CACNA2D3: variants seen among roughly 807,000 people sequenced by gnomAD.
The protein encoded by CACNA2D3 is voltage-dependent calcium channel subunit alpha-2/delta-3.
In CACNA2D3, 60 loss-of-function variants were observed where a neutral mutation model predicts 160.6. The ratio of observed to expected loss-of-function variants is 0.37; its 90% confidence interval spans 0.30 to 0.46. The LOEUF (loss-of-function observed/expected upper bound fraction) is 0.46. Ranked by LOEUF, CACNA2D3 falls within the 20% of genes least tolerant of loss-of-function variation. The probability of loss-of-function intolerance (pLI) is 1.00; values close to 1 mark genes in which losing one functional copy is unlikely to be tolerated. For synonymous variants in CACNA2D3, 558 were observed against 492.9 expected, an observed-to-expected ratio of 1.13 and a Z score of -1.75; for missense variants, 1,205 against 1,365.0, an observed-to-expected ratio of 0.88 and a Z score of 1.85.
intron 4 of CACNA2D3, among the ~76,000 whole-genome samples, chr3:54,423,303 A>G (rs1395272185): frequency 6.6e-6 from 1 of 152,238 alleles, no homozygotes; most frequent in African/African-American, 2.4e-5. Context: ...TAAGATAAAA[A>G]GAAGAAATGA....
chr3:55,004,971 T>TAAAAAAAAAAAAAAAA (rs56926640), intron 32 of CACNA2D3, 133 bp downstream of exon 32: 1 of 457,196 alleles, frequency 2.2e-6, no homozygotes. Flanking sequence ...TTTACTCACT[T>TAAAAAAAAAAAAAAAA]AAAAAAAAAA....
Position 54,177,874 on chromosome 3 carries a change from C to T in CACNA2D3, c.204+54280C>T, listed in dbSNP as rs891398410. The T allele has an allele frequency of 2.0e-5, 3 of 152,076 alleles. No homozygotes were observed. The South Asian group carries it at 6.2e-4, about 32-fold the overall frequency. 9.4% of individuals were successfully genotyped at this position (152,076 alleles called of 1,614,324 possible). A position where few individuals can be genotyped will look rare whatever the true frequency, so the allele number is the denominator to read the frequency against. On this transcript the variant is annotated intron_variant, in intron 2 of 37. Coordinates refer to ENST00000474759, the MANE Select transcript of CACNA2D3 (RefSeq NM_018398.3). Reference sequence around the variant, plus strand: ...AGCAATGTATACTCTTGAATTCCAGCTCTGTGAAATCGGTAGAAAATGAGG... The same window carrying T: ...AGCAATGTATACTCTTGAATTCCAGTTCTGTGAAATCGGTAGAAAATGAGG...
intron 2 of CACNA2D3, among the ~76,000 whole-genome samples, chr3:54,245,208 CTT>C (rs1164348480): frequency 6.6e-6 from 1 of 151,866 alleles, no homozygotes; most frequent in South Asian, 2.1e-4. Context: ...AGAACACAGT[CTT>C]TTTATTTTTT....
At chr3:54,196,857 A>T (rs1701090385) in intron 2 of CACNA2D3, among the ~76,000 whole-genome samples, 1 of 152,206 alleles carries the variant, frequency 6.6e-6, no homozygotes, top group Non-Finnish European at 1.5e-5. Context: ...TATGTAAGAT[A>T]ATGCATGCGT....
intron 11 of CACNA2D3, among the ~76,000 whole-genome samples, chr3:54,664,079 A>T (rs889080062): frequency 2.8e-4 from 43 of 152,246 alleles, no homozygotes; most frequent in African/African-American, 9.9e-4. Flanking sequence ...CATTAACTCC[A>T]GCTGTGCTGA....
intron 14 of CACNA2D3, among the ~76,000 whole-genome samples, chr3:54,827,684 G>C (rs1703776807): frequency 6.6e-6 from 1 of 152,202 alleles, no homozygotes. Flanking sequence ...CGTGAGCAAG[G>C]AGAGACTGTA....
At chr3:54,728,160 C>T (rs1240946128) in intron 11 of CACNA2D3, among the ~76,000 whole-genome samples, 2 of 151,768 alleles carry the variant, frequency 1.3e-5, no homozygotes, top group Admixed American at 1.3e-4. Flanking sequence ...GTCTCACTTC[C>T]TCCAAATATT....
chr3:54,153,692 A>G (rs1323814636), intron 2 of CACNA2D3, among the ~76,000 whole-genome samples: 1 of 152,032 alleles, frequency 6.6e-6, no homozygotes, highest in East Asian at 1.9e-4. Context: ...TGCATAGAAG[A>G]CTGGTGTGTG....
chr3:54,201,922 A>G lies in CACNA2D3; in HGVS notation c.204+78328A>G, dbSNP rs538760891. Among the ~76,000 whole-genome samples, 5 of 152,360 alleles carry G rather than the reference A, an allele frequency of 3.3e-5. No individual in the cohort carries two copies. The South Asian group carries it at 1.0e-3, about 32-fold the overall frequency. ...CACATCAGAACTCTGTGAATTCAAA[A>G]GAATTAATGAACAGTTTTCTGTTCA... On this transcript the variant is annotated intron_variant, in intron 2 of 37. Coordinates refer to ENST00000474759, the MANE Select transcript of CACNA2D3 (RefSeq NM_018398.3).
At chr3:54,649,817 T>C (rs549438287) in intron 11 of CACNA2D3, among the ~76,000 whole-genome samples, 12 of 152,246 alleles carry the variant, frequency 7.9e-5, no homozygotes, top group Non-Finnish European at 1.3e-4. Context: ...ACACATTCAG[T>C]CCATAACACT....
chr3:54,294,615 A>T (rs562759090), intron 2 of CACNA2D3, among the ~76,000 whole-genome samples: 3 of 152,182 alleles, frequency 2.0e-5, no homozygotes, highest in African/African-American at 7.2e-5. Context: ...TCTGTGTTCA[A>T]ATCTAAAAAC....
chr3:54,911,413 T>G (rs1248875738), intron 27 of CACNA2D3, among the ~76,000 whole-genome samples: 2 of 138,810 alleles, frequency 1.4e-5, no homozygotes, highest in South Asian at 4.9e-4. Flanking sequence ...AGACTGGTCT[T>G]GAACTCCTGG....
chr3:55,062,708 T>C (rs1416758539), intron 35 of CACNA2D3, among the ~76,000 whole-genome samples: 1 of 152,166 alleles, frequency 6.6e-6, no homozygotes, highest in Non-Finnish European at 1.5e-5. Flanking sequence ...GGGAAACCAT[T>C]TGTTTTCTTA....
chr3:54,661,632 T>C lies in CACNA2D3; in HGVS notation c.1167+19391T>C, dbSNP rs1204367455. ...AGCTAGGGATTGACAGCTGGCTCAC[T>C]AACATCAGGAAAAAGGGGTGGGGTG... On this transcript the variant is annotated intron_variant, in intron 11 of 37. Coordinates refer to ENST00000474759, the MANE Select transcript of CACNA2D3 (RefSeq NM_018398.3). 2.0e-5 allele frequency among the ~76,000 whole-genome samples: 3 copies of C among 152,110 alleles called. No individual in the cohort carries two copies. In the South Asian group the frequency reaches 6.2e-4, roughly 32 times the overall value.
At chr3:54,420,880 T>A (rs1385265959) in intron 4 of CACNA2D3, among the ~76,000 whole-genome samples, 1 of 152,230 alleles carries the variant, frequency 6.6e-6, no homozygotes, top group Admixed American at 6.5e-5. Flanking sequence ...TGATGAATAT[T>A]TGCCACATTT....
rs1174076474 is a variant in CACNA2D3 at position 54,533,844 on chromosome 3, A to G, written c.545-28956A>G. Among the ~76,000 whole-genome samples the G allele has an allele frequency of 2.0e-5, 3 of 151,830 alleles. No homozygotes were observed. In the East Asian group the frequency reaches 5.8e-4, roughly 29 times the overall value. ...GTGTGTGTGTTAATAGGGTGTGTAA[A>G]TGTTGAAGCAAGTGGGATAAAGTGT... On this transcript the variant is annotated intron_variant, in intron 5 of 37. Coordinates refer to ENST00000474759, the MANE Select transcript of CACNA2D3 (RefSeq NM_018398.3).
intron 2 of CACNA2D3, among the ~76,000 whole-genome samples, chr3:54,184,830 A>G (rs185053631): frequency 2.0e-5 from 3 of 152,348 alleles, no homozygotes; most frequent in Non-Finnish European, 1.5e-5. Context: ...GGAGCAAACA[A>G]TGGAATGTTG....
intron 32 of CACNA2D3, among the ~76,000 whole-genome samples, chr3:55,006,993 C>A (rs1010260054): frequency 6.6e-6 from 1 of 152,168 alleles, no homozygotes; most frequent in Non-Finnish European, 1.5e-5. Context: ...GATTTGCCAG[C>A]GTCATTGTCT....
intron 2 of CACNA2D3, among the ~76,000 whole-genome samples, chr3:54,292,840 G>T (rs1372260014): frequency 6.6e-6 from 1 of 152,124 alleles, no homozygotes; most frequent in Non-Finnish European, 1.5e-5. Context: ...CACTGCAAAA[G>T]AACAGAAAGA....
Sources: allele counts gnomAD v4.1 joint callset (sites outside exome capture counted in the v4.1 genomes callset), GRCh38; gene constraint gnomAD v4.1.1; transcripts MANE v1.5; gene names NCBI Gene and HGNC (gene_info 2026-07-23, HGNC 2026-07-21).